The following SHANK2 variants were observed in gnomAD, a reference collection of about 807,000 sequenced individuals.
SHANK2 encodes SH3 and multiple ankyrin repeat domains 2.
Under a neutral mutation model 133.7 loss-of-function variants are expected in SHANK2, and 43 were observed. The observed-to-expected ratio is 0.32, with a 90% CI of 0.25 to 0.41. The LOEUF is 0.41. Ranked by LOEUF, SHANK2 falls within the 10% of genes least tolerant of loss-of-function variation. The probability of loss-of-function intolerance (pLI) is 1.00; values close to 1 mark genes in which losing one functional copy is unlikely to be tolerated. For synonymous variants in SHANK2, 1,017 were observed against 952.8 expected (o/e 1.07, Z -1.24); for missense variants, 1,994 against 2,235.8 (o/e 0.89, Z 2.18).
chr11:70,662,123 G>T, intron 15 of SHANK2: 1 of 376,902 alleles, frequency 2.7e-6, no homozygotes, highest in Non-Finnish European at 5.0e-6. Context: ...GCATCTTCCA[G>T]GGAAGCCCGG....
intron 17 of SHANK2, among the ~76,000 whole-genome samples, chr11:70,539,096 C>T (rs112584366): frequency 1.3e-4 from 20 of 152,292 alleles, no homozygotes; most frequent in African/African-American, 2.2e-4. Context: ...ACTGGATCTG[C>T]GGCACACAGA....
chr11:70,629,427 G>A (rs186632810), intron 17 of SHANK2, among the ~76,000 whole-genome samples: 3 of 152,300 alleles, frequency 2.0e-5, no homozygotes, highest in East Asian at 3.9e-4. Context: ...CTGGCCTCCC[G>A]GGTCTCCAGG....
chr11:71,171,984 G>T (rs1192534615), intron 2 of SHANK2, among the ~76,000 whole-genome samples: 1 of 152,182 alleles, frequency 6.6e-6, no homozygotes, highest in African/African-American at 2.4e-5. Flanking sequence ...CTGGGCCTGG[G>T]AGGCCTCCTT....
chr11:70,899,812 C>A (rs1005449496), intron 10 of SHANK2, among the ~76,000 whole-genome samples: 5 of 152,332 alleles, frequency 3.3e-5, no homozygotes, highest in East Asian at 3.9e-4. Flanking sequence ...ACAGACCAGC[C>A]CTTGCCGAAT....
At chr11:70,912,098 AAAAAAAAAAAAAAAAAAGAAAG>A (rs1950201312) in intron 10 of SHANK2, among the ~76,000 whole-genome samples, 1 of 97,160 alleles carries the variant, frequency 1.0e-5, no homozygotes, top group African/African-American at 4.3e-5. Context: ...AAAAAAAAAA[AAAAAAAAAAAAAAAAAAGAAAG>A]AAAGAAAGAA....
chr11:70,527,481 G>GC (rs2059413733), intron 17 of SHANK2, among the ~76,000 whole-genome samples: 1 of 152,200 alleles, frequency 6.6e-6, no homozygotes, highest in Non-Finnish European at 1.5e-5. Context: ...TCCTAAAGTG[G>GC]CATGGCTTCC....
chr11:71,218,230 T>C (rs922725533), intron 2 of SHANK2, among the ~76,000 whole-genome samples: 4 of 151,754 alleles, frequency 2.6e-5, no homozygotes, highest in African/African-American at 9.7e-5. Flanking sequence ...AGTCAATTTA[T>C]TATTGAAGAA....
chr11:70,898,969 A>G (rs1307798564), intron 10 of SHANK2, among the ~76,000 whole-genome samples: 1 of 152,234 alleles, frequency 6.6e-6, no homozygotes, highest in Non-Finnish European at 1.5e-5. Flanking sequence ...AGAGGGTAAC[A>G]GAGCTGTCTG....
At chr11:71,217,127 G>T (rs1954429813) in intron 2 of SHANK2, among the ~76,000 whole-genome samples, 1 of 151,916 alleles carries the variant, frequency 6.6e-6, no homozygotes, top group Admixed American at 6.6e-5. Flanking sequence ...AACCCGGGGG[G>T]TAGAAGATGA....
intron 17 of SHANK2, among the ~76,000 whole-genome samples, chr11:70,591,084 G>C (rs1056929942): frequency 6.6e-6 from 1 of 152,232 alleles, no homozygotes; most frequent in Non-Finnish European, 1.5e-5. Context: ...GCTCACGTTT[G>C]TCATCCCAGC....
chr11:71,088,519 C>A (rs1951449482), intron 8 of SHANK2, among the ~76,000 whole-genome samples: 1 of 150,700 alleles, frequency 6.6e-6, no homozygotes, highest in Non-Finnish European at 1.5e-5. Flanking sequence ...ACGTCCCCAA[C>A]GTCCATGTCT....
At chr11:71,160,411 G>T (rs1487466535) in intron 2 of SHANK2, among the ~76,000 whole-genome samples, 1 of 152,176 alleles carries the variant, frequency 6.6e-6, no homozygotes, top group Non-Finnish European at 1.5e-5. Context: ...CAAGGGTGGG[G>T]TCCTGATCCC....
At position 71,250,743 on chromosome 11, in the gene SHANK2, C is replaced by G. The variant is rs1039000060; in HGVS notation, c.-113+1682G>C. On this transcript the variant is annotated intron_variant, in intron 1 of 25. Transcript: ENST00000601538. Reference sequence around the variant, plus strand: ...GCGTCACTAACTATGTGATGCGGACCGCAGGGCACCGGGGTTAAGGCTGAA... The same window carrying G: ...GCGTCACTAACTATGTGATGCGGACGGCAGGGCACCGGGGTTAAGGCTGAA... Among the ~76,000 whole-genome samples, 15 of 152,128 alleles carry G rather than the reference C, an allele frequency of 9.9e-5. No homozygotes were observed. The South Asian group carries it at 3.1e-3, about 32-fold the overall frequency.
In SHANK2 at chr11:71,085,947, T is replaced by C. The variant is rs1254240392; in HGVS notation, c.912+6475A>G. Among the ~76,000 whole-genome samples the C allele has an allele frequency of 3.8e-4, 13 of 33,952 alleles. 1 individual carries two copies. The highest frequency in any genetic ancestry group is 6.9e-4 in the Admixed American group (1 of 1,448). 22.3% of individuals were successfully genotyped at this position (33,952 alleles called of 152,430 possible). On this transcript the variant is annotated intron_variant, in intron 8 of 25. Transcript: ENST00000601538. ...AATAAATTGTTATATATTAATATGT[T>C]ATATATATTATGTTATATATTATAT...
At chr11:70,818,483 T>G (rs1455225578) in intron 12 of SHANK2, among the ~76,000 whole-genome samples, 2 of 152,244 alleles carry the variant, frequency 1.3e-5, no homozygotes, top group Non-Finnish European at 2.9e-5. Context: ...CTGGCCACGC[T>G]GCCTTTGCTG....
chr11:70,648,882 G>A (rs56325557), intron 17 of SHANK2, among the ~76,000 whole-genome samples: 1 of 152,152 alleles, frequency 6.6e-6, no homozygotes, highest in African/African-American at 2.4e-5. Flanking sequence ...GCTCGGCTCT[G>A]GGTGGTCCCT....
In SHANK2 at chr11:71,175,572, G is replaced by C. The variant is rs1555112993; in HGVS notation, c.-12-28234C>G. Among the ~76,000 whole-genome samples, 6 of 135,474 alleles carry C rather than the reference G, an allele frequency of 4.4e-5. No homozygotes were observed. Among genetic ancestry groups the C allele is most frequent in the Non-Finnish European group, 3.4e-5 (2 of 58,618 alleles). The allele number at this position is 135,474 out of a possible 152,430, so 88.9% of individuals were successfully genotyped here. ...AGAGGGAGAGAGAGAGAGAGAGAGA[G>C]AGAGAGAGAGAGAGAGAGAGAGAGA... On this transcript the variant is annotated intron_variant, in intron 2 of 25. Coordinates refer to ENST00000601538, the MANE Select transcript of SHANK2 (RefSeq NM_012309.5). This position sits in a 1 kb window ranked among gnomAD's most constrained non-coding sequence, Gnocchi z 4.2.
intron 17 of SHANK2, among the ~76,000 whole-genome samples, chr11:70,625,217 C>A (rs1262299544): frequency 6.6e-6 from 1 of 152,158 alleles, no homozygotes; most frequent in Non-Finnish European, 1.5e-5. Context: ...GGGGATAAGT[C>A]CCTCCCAGAG....
intron 2 of SHANK2, among the ~76,000 whole-genome samples, chr11:71,172,087 G>A (rs1258644533): frequency 6.6e-6 from 1 of 152,146 alleles, no homozygotes; most frequent in Non-Finnish European, 1.5e-5. Flanking sequence ...TCATCACTCA[G>A]CCCCATCCGT....
Sources: gnomAD v4.1 joint callset for allele counts (sites outside exome capture counted in the v4.1 genomes callset) on GRCh38, gnomAD v4.1.1 for gene constraint, Gnocchi (gnomAD v3.1) non-coding constraint, MANE v1.5 for transcripts, NCBI Gene and HGNC (gene_info 2026-07-23, HGNC 2026-07-21) for gene names.